Variants in MTAP observed in about 807,000 individuals in gnomAD.
MTAP encodes S-methyl-5'-thioadenosine phosphorylase.
A neutral mutation model predicts 33.6 loss-of-function variants in MTAP; 33 were observed. The observed-to-expected ratio is 0.98, with a 90% CI of 0.74 to 1.31. The LOEUF (loss-of-function observed/expected upper bound fraction) is 1.31, where lower values mean the gene tolerates loss of function less well. Ranked by LOEUF, MTAP falls within the 40% of genes most tolerant of loss-of-function variation. MTAP has a pLI of 0.00. For synonymous variants in MTAP, 148 were observed against 125.7 expected (o/e 1.18, Z -1.19); for missense variants, 367 against 360.0 (o/e 1.02, Z -0.16).
intron 1 of MTAP, among the ~76,000 whole-genome samples, chr9:21,916,492 C>T (rs1473620164): frequency 6.6e-6 from 1 of 152,092 alleles, no homozygotes; most frequent in Non-Finnish European, 1.5e-5. Flanking sequence ...CACTTGTAAT[C>T]CTAGCTACTC....
chr9:21,846,783 A>G (rs1019669656), intron 5 of MTAP, among the ~76,000 whole-genome samples: 2 of 152,226 alleles, frequency 1.3e-5, no homozygotes, highest in Non-Finnish European at 2.9e-5. Flanking sequence ...TTGCACATGC[A>G]TGTTTATAGC....
chr9:21,878,814 C>A (rs980218371), intron 1 of MTAP, among the ~76,000 whole-genome samples: 74 of 152,102 alleles, frequency 4.9e-4, no homozygotes, highest in Non-Finnish European at 5.9e-5. Context: ...CATTATTTAC[C>A]CAAAAGTCAT....
At chr9:21,837,194 G>A (rs1378794619) in intron 4 of MTAP, among the ~76,000 whole-genome samples, 1 of 152,086 alleles carries the variant, frequency 6.6e-6, no homozygotes, top group African/African-American at 2.4e-5. Flanking sequence ...ATTACGGCTG[G>A]GAAAAAGAAC....
At position 21,826,518 on chromosome 9, in the gene MTAP, T is replaced by A. The variant is rs115145267; in HGVS notation, c.347+8316T>A. Among the ~76,000 whole-genome samples, 1,140 of 151,948 alleles carry A rather than the reference T, an allele frequency of 7.5e-3. 12 individuals are homozygous for A. Among genetic ancestry groups the A allele is most frequent in the African/African-American group, 0.025 (1,030 of 41,474 alleles). On this transcript the variant is annotated intron_variant, in intron 4 of 7. Transcript: ENST00000644715. ...ACCAGGTTTGAATTCTTGGCAAGGA[T>A]CCTTCCTTCTGCATCCTGTCGGAAG...
chr9:21,851,476 G>T (rs1825510893), intron 5 of MTAP, among the ~76,000 whole-genome samples: 1 of 152,168 alleles, frequency 6.6e-6, no homozygotes, highest in African/African-American at 2.4e-5. Context: ...ACTTTATGTA[G>T]TAGTATTTGG....
At chr9:21,871,971 T>G (rs1825944224), downstream of MTAP, among the ~76,000 whole-genome samples, 1 of 152,172 alleles carries the variant, frequency 6.6e-6, no homozygotes, top group South Asian at 2.1e-4. Context: ...CCTGAGGTAA[T>G]TCAGTAAAAC....
At chr9:21,912,541 A>T (rs573591500) in intron 1 of MTAP, among the ~76,000 whole-genome samples, 7 of 152,320 alleles carry the variant, frequency 4.6e-5, no homozygotes, top group East Asian at 1.9e-4. Context: ...CCACATGATT[A>T]TCTCAATAGA....
At chr9:21,823,681 C>G (rs1405796358) in intron 4 of MTAP, among the ~76,000 whole-genome samples, 3 of 152,174 alleles carry the variant, frequency 2.0e-5, no homozygotes, top group Non-Finnish European at 4.4e-5. Flanking sequence ...TGGGGAAGTT[C>G]TCCTGGATAA....
intron 1 of MTAP, among the ~76,000 whole-genome samples, chr9:21,919,216 T>G (rs988377108): frequency 6.6e-6 from 1 of 152,142 alleles, no homozygotes; most frequent in Non-Finnish European, 1.5e-5. Context: ...TCAGGGAAGA[T>G]TTCAAGCATA....
chr9:21,820,816 A>C (rs140488947), intron 4 of MTAP, among the ~76,000 whole-genome samples: 1,769 of 152,286 alleles, frequency 0.012, 27 homozygotes, highest in Middle Eastern at 0.061. Context: ...AGTGGTTTGT[A>C]GTTCTCCTTG....
chr9:21,855,425 C>T (rs1421478731), intron 6 of MTAP, among the ~76,000 whole-genome samples: 1 of 152,190 alleles, frequency 6.6e-6, no homozygotes, highest in African/African-American at 2.4e-5. Context: ...TACAAGGGTA[C>T]ACTAGGTCAA....
downstream of MTAP, among the ~76,000 whole-genome samples, chr9:21,937,974 AC>A (rs1254439351): frequency 6.6e-6 from 1 of 152,058 alleles, no homozygotes; most frequent in African/African-American, 2.4e-5. Context: ...ACCCTTCTCT[AC>A]AAAAATTAGC....
chr9:21,823,328 C>T (rs930457549), intron 4 of MTAP, among the ~76,000 whole-genome samples: 1 of 152,186 alleles, frequency 6.6e-6, no homozygotes, highest in Non-Finnish European at 1.5e-5. Context: ...AAATCCTCAG[C>T]ATTTGCTTGT....
At chr9:21,916,189 T>G (rs1314307043) in intron 1 of MTAP, among the ~76,000 whole-genome samples, 2 of 151,932 alleles carry the variant, frequency 1.3e-5, no homozygotes, top group Non-Finnish European at 2.9e-5. Flanking sequence ...CCTCCAAAAT[T>G]CATGTATACC....
At chr9:21,806,577 A>G (rs748955706) in intron 1 of MTAP, among the ~76,000 whole-genome samples, 16 of 151,900 alleles carry the variant, frequency 1.1e-4, no homozygotes, top group Admixed American at 1.0e-3. Context: ...AATTCAAGCA[A>G]TCTTTTTTGT....
At chr9:21,843,465 G>T (rs185551419) in intron 5 of MTAP, among the ~76,000 whole-genome samples, 1 of 152,084 alleles carries the variant, frequency 6.6e-6, no homozygotes, top group Non-Finnish European at 1.5e-5. Context: ...CTTTTCATCA[G>T]CACATGGAAC....
chr9:21,816,641 TG>T, intron 2 of MTAP, 72 bp from the exon 3 acceptor site: 1 of 1,326,220 alleles, frequency 7.5e-7, no homozygotes, highest in Non-Finnish European at 1.1e-6. Flanking sequence ...AGTCCTGTTG[TG>T]GTTGAACAAT....
intron 2 of MTAP, 159 bp downstream of exon 2, chr9:21,815,678 C>G (rs996201740): frequency 1.6e-6 from 1 of 637,466 alleles, no homozygotes; most frequent in East Asian, 2.9e-5. Context: ...CTGTTGGGTT[C>G]CATCAGCTGA....
At chr9:21,822,830 G>T (rs768283388) in intron 4 of MTAP, among the ~76,000 whole-genome samples, 1 of 152,174 alleles carries the variant, frequency 6.6e-6, no homozygotes, top group African/African-American at 2.4e-5. Context: ...GGTGCATATA[G>T]ATTTAGGATA....
Sources: allele counts gnomAD v4.1 joint callset (sites outside exome capture counted in the v4.1 genomes callset), GRCh38; gene constraint gnomAD v4.1.1; transcripts MANE v1.5; gene names NCBI Gene and HGNC (gene_info 2026-07-23, HGNC 2026-07-21).